The following RPS6KC1 variants were observed in gnomAD, a reference collection of about 807,000 sequenced individuals.
RPS6KC1 encodes inactive ribosomal protein S6 kinase delta-1.
A neutral mutation model predicts 103.8 loss-of-function variants in RPS6KC1; 54 were observed. The ratio of observed to expected loss-of-function variants is 0.52; its 90% CI spans 0.42 to 0.65. RPS6KC1 has a LOEUF of 0.65. Among genes scored for constraint, RPS6KC1 ranks in the 30% least tolerant of loss-of-function variants. RPS6KC1 has a pLI of 0.00. For synonymous variants in RPS6KC1, 439 were observed against 438.7 expected (o/e 1.00, Z -0.01); for missense variants, 1,151 against 1,253.8 (o/e 0.92, Z 1.24).
chr1:213,693,315 A>G, the RPS6KC1 span, among the ~76,000 whole-genome samples: 1 of 152,278 alleles, frequency 6.6e-6, no homozygotes, highest in Admixed American at 6.5e-5. Context: ...AATATTTGAG[A>G]AGCTTTCGTT....
chr1:213,631,921 T>A, the RPS6KC1 span, among the ~76,000 whole-genome samples: 1 of 152,196 alleles, frequency 6.6e-6, no homozygotes, highest in East Asian at 1.9e-4. Flanking sequence ...CTCTCTCCCC[T>A]TTTCCTACCC....
At chr1:213,689,014 A>G in the RPS6KC1 span, among the ~76,000 whole-genome samples, 1 of 152,218 alleles carries the variant, frequency 6.6e-6, no homozygotes, top group African/African-American at 2.4e-5. Flanking sequence ...AGGGGATAAG[A>G]GTGGGTTTCA....
At chr1:213,149,420 A>G (rs2088340474) in intron 6 of RPS6KC1, among the ~76,000 whole-genome samples, 1 of 152,234 alleles carries the variant, frequency 6.6e-6, no homozygotes, top group African/African-American at 2.4e-5. Context: ...ATTCAGGAAC[A>G]TATTGTTTAA....
At chr1:213,152,988 G>C (rs1168284230) in intron 6 of RPS6KC1, among the ~76,000 whole-genome samples, 1 of 152,210 alleles carries the variant, frequency 6.6e-6, no homozygotes, top group East Asian at 1.9e-4. Flanking sequence ...CTGCAATCCC[G>C]GCACCTCAGG....
chr1:213,609,222 A>T, the RPS6KC1 span, among the ~76,000 whole-genome samples: 137 of 152,360 alleles, frequency 9.0e-4, no homozygotes, highest in Admixed American at 3.1e-3. Flanking sequence ...ACAAATTGTT[A>T]AATGAAATAC....
At chr1:213,459,055 T>C in the RPS6KC1 span, among the ~76,000 whole-genome samples, 1 of 152,172 alleles carries the variant, frequency 6.6e-6, no homozygotes, top group Admixed American at 6.5e-5. Flanking sequence ...TGGATATTGG[T>C]CTGAAATTTT....
intron 2 of RPS6KC1, among the ~76,000 whole-genome samples, chr1:213,076,994 C>T (rs1038536398): frequency 6.6e-5 from 10 of 152,018 alleles, no homozygotes; most frequent in Admixed American, 1.3e-4. Context: ...CTCAGCCCCC[C>T]GAGTAGCTGG....
At chr1:213,187,431 A>T in intron 8 of RPS6KC1, among the ~76,000 whole-genome samples, 1 of 151,496 alleles carries the variant, frequency 6.6e-6, no homozygotes, top group Non-Finnish European at 1.5e-5. Flanking sequence ...TTTTTAGTAG[A>T]GACGGGGTTT....
At chr1:213,629,716 T>G in the RPS6KC1 span, among the ~76,000 whole-genome samples, 1 of 152,240 alleles carries the variant, frequency 6.6e-6, no homozygotes, top group Admixed American at 6.5e-5. Flanking sequence ...TTGCAGTGGC[T>G]GGTACCGGTT....
chr1:213,494,086 A>G, the RPS6KC1 span, among the ~76,000 whole-genome samples: 1 of 152,070 alleles, frequency 6.6e-6, no homozygotes, highest in Admixed American at 6.5e-5. Context: ...ATATGATGCA[A>G]TGATAGGGAG....
chr1:213,366,243 G>A, the RPS6KC1 span, among the ~76,000 whole-genome samples: 1 of 151,090 alleles, frequency 6.6e-6, no homozygotes, highest in Non-Finnish European at 1.5e-5. Flanking sequence ...TTTCTCATCT[G>A]TAATGCCCTC....
At chr1:213,606,423 G>T in the RPS6KC1 span, among the ~76,000 whole-genome samples, 2 of 152,206 alleles carry the variant, frequency 1.3e-5, no homozygotes, top group South Asian at 2.1e-4. Flanking sequence ...TCCTGGGTCT[G>T]AAGCAAACTG....
the RPS6KC1 span, among the ~76,000 whole-genome samples, chr1:213,403,019 G>C: frequency 6.7e-6 from 1 of 150,230 alleles, no homozygotes; most frequent in Non-Finnish European, 1.5e-5. Flanking sequence ...TCCCAGCTAC[G>C]AGGGAGGCTG....
At chr1:213,328,057 A>T in the RPS6KC1 span, among the ~76,000 whole-genome samples, 1 of 152,072 alleles carries the variant, frequency 6.6e-6, no homozygotes, top group East Asian at 1.9e-4. Context: ...TTATTTTTTA[A>T]ATTTACATGT....
chr1:213,468,242 A>G, the RPS6KC1 span, among the ~76,000 whole-genome samples: 1 of 152,204 alleles, frequency 6.6e-6, no homozygotes, highest in Non-Finnish European at 1.5e-5. Flanking sequence ...TCCAAAAGCT[A>G]TTTTTATTTG....
At chr1:213,285,051 A>G in the RPS6KC1 span, among the ~76,000 whole-genome samples, 4 of 152,248 alleles carry the variant, frequency 2.6e-5, no homozygotes, top group Admixed American at 2.0e-4. Context: ...AGTTTGGACT[A>G]CTATAACAAA....
At chr1:213,164,018 G>T (rs971651260) in intron 6 of RPS6KC1, among the ~76,000 whole-genome samples, 4 of 152,070 alleles carry the variant, frequency 2.6e-5, no homozygotes, top group African/African-American at 7.2e-5. Flanking sequence ...TTCAGTTATG[G>T]TACTTTATAT....
chr1:213,713,219 A>G, the RPS6KC1 span, among the ~76,000 whole-genome samples: 2 of 152,214 alleles, frequency 1.3e-5, no homozygotes, highest in African/African-American at 4.8e-5. Context: ...CAAATGAAAT[A>G]GCCAATATTT....
chr1:213,677,329 T>C, the RPS6KC1 span, among the ~76,000 whole-genome samples: 4 of 152,156 alleles, frequency 2.6e-5, no homozygotes, highest in Non-Finnish European at 5.9e-5. Flanking sequence ...TCTAGTATCA[T>C]CATTTTACAA....
Sources: gnomAD v4.1 joint callset for allele counts (sites outside exome capture counted in the v4.1 genomes callset) on GRCh38, gnomAD v4.1.1 for gene constraint, MANE v1.5 for transcripts, NCBI Gene and HGNC (gene_info 2026-07-23, HGNC 2026-07-21) for gene names.